FLRT2: variants seen among roughly 807,000 people sequenced by gnomAD.
FLRT2 encodes the protein fibronectin leucine rich transmembrane protein 2.
FLRT2 carries 15 observed loss-of-function variants against 40.0 expected under a neutral mutation model. The ratio of observed to expected loss-of-function variants is 0.38; its 90% CI spans 0.25 to 0.58. FLRT2 has a LOEUF of 0.58. Ranked by LOEUF, FLRT2 falls within the 20% of genes least tolerant of loss-of-function variation. The probability of loss-of-function intolerance (pLI) is 0.71; values close to 1 mark genes in which losing one functional copy is unlikely to be tolerated. For synonymous variants in FLRT2, 380 were observed against 336.8 expected, an observed-to-expected ratio of 1.13 and a Z score of -1.41; for missense variants, 726 against 840.0, an observed-to-expected ratio of 0.86 and a Z score of 1.68.
intron 1 of FLRT2, among the ~76,000 whole-genome samples, chr14:85,607,537 A>G (rs1293372797): frequency 6.6e-6 from 1 of 152,190 alleles, no homozygotes; most frequent in Non-Finnish European, 1.5e-5. Context: ...ACCAGGGAAA[A>G]GAAAGTTTTC....
At chr14:85,565,450 A>C (rs1180349083) in intron 1 of FLRT2, among the ~76,000 whole-genome samples, 1 of 152,196 alleles carries the variant, frequency 6.6e-6, no homozygotes, top group African/African-American at 2.4e-5. Flanking sequence ...TGATGTTGCT[A>C]TTCAGAATAT....
At position 85,619,825 on chromosome 14, in the gene FLRT2, C is replaced by A. The variant is rs545742915; in HGVS notation, c.-376-1314C>A. Among the ~76,000 whole-genome samples the A allele has an allele frequency of 8.5e-5, 13 of 152,300 alleles. No individual in the cohort carries two copies. In the South Asian group the frequency reaches 2.7e-3, roughly 32 times the overall value. On this transcript the variant is annotated intron_variant, in intron 1 of 1. Coordinates refer to ENST00000330753, the MANE Select transcript of FLRT2 (RefSeq NM_013231.6). ...CTCTAATCTAAAAACAGATAGAATA[C>A]ATTCTGGAGCAAGAAGGCATGATTA...
intron 1 of FLRT2, among the ~76,000 whole-genome samples, chr14:85,533,205 G>A (rs962093650): frequency 5.9e-5 from 9 of 152,134 alleles, no homozygotes; most frequent in Non-Finnish European, 1.2e-4. Flanking sequence ...GCGCCAGAGC[G>A]CGAGGGACGG....
At chr14:85,558,666 AAG>A (rs1339686866) in intron 1 of FLRT2, among the ~76,000 whole-genome samples, 8 of 152,164 alleles carry the variant, frequency 5.3e-5, no homozygotes, top group Non-Finnish European at 1.2e-4. Context: ...GACATCACAA[AAG>A]AGAGGGGAAG....
Position 85,643,091 on chromosome 14 carries a change from C to G in FLRT2, c.*19594C>G, listed in dbSNP as rs1183962267. 2.6e-5 allele frequency: 4 copies of G among 152,076 alleles called. No homozygotes were observed. The highest frequency in any genetic ancestry group is 5.9e-5 in the Non-Finnish European group (4 of 68,052). 9.4% of individuals were successfully genotyped at this position (152,076 alleles called of 1,614,324 possible). A position where few individuals can be genotyped will look rare whatever the true frequency, so the allele number is the denominator to read the frequency against. On this transcript the variant is annotated 3_prime_UTR_variant, in exon 2 of 2. Transcript: ENST00000330753. ...CATTATTCTCAACATGAGGGCTCCA[C>G]CCTTATGGATTAATTGCCTCCCAAA...
rs1893634286 is a variant in FLRT2 at position 85,625,370 on chromosome 14, C to T, written c.*1873C>T. ...TTTGTAAAAGTTTAGGTATAAAATG[C>T]TATGCAACTTTTTCTTTATAGTAAG... On this transcript the variant is annotated 3_prime_UTR_variant, in exon 2 of 2. Transcript: ENST00000330753. 6.0e-6 allele frequency: 1 copy of T among 166,898 alleles called. No homozygotes were observed. Among genetic ancestry groups the T allele is most frequent in the Non-Finnish European group, 1.5e-5 (1 of 68,100 alleles). 10.3% of individuals were successfully genotyped at this position (166,898 alleles called of 1,614,324 possible).
At chr14:85,601,450 G>A (rs1276293726) in intron 1 of FLRT2, among the ~76,000 whole-genome samples, 1 of 152,218 alleles carries the variant, frequency 6.6e-6, no homozygotes, top group Non-Finnish European at 1.5e-5. Flanking sequence ...GAGGCCACAG[G>A]CCTCTGGATA....
intron 1 of FLRT2, among the ~76,000 whole-genome samples, chr14:85,569,969 C>A (rs1319316185): frequency 2.0e-5 from 3 of 152,164 alleles, no homozygotes; most frequent in African/African-American, 7.2e-5. Flanking sequence ...CCACAGTGTT[C>A]TTTAAACAGC....
Position 85,639,851 on chromosome 14 carries a change from C to CTTTTTTT in FLRT2, c.*16363_*16369dup, listed in dbSNP as rs869148428. The CTTTTTTT allele has an allele frequency of 3.4e-5, 4 of 119,250 alleles. 1 individual carries two copies. Among genetic ancestry groups the CTTTTTTT allele is most frequent in the Admixed American group, 9.8e-5 (1 of 10,216 alleles). The allele number at this position is 119,250 out of a possible 1,614,324, so 7.4% of individuals were successfully genotyped here. A position where few individuals can be genotyped will look rare whatever the true frequency, so the allele number is the denominator to read the frequency against. ...GAAATTCTTTATTTTTTTTTTTTTCCTTTTTTTTTTTTTTTGAGACAGTGT... is the reference window on the plus strand; with the variant it reads ...GAAATTCTTTATTTTTTTTTTTTTCCTTTTTTTTTTTTTTTTTTTTTTGAGACAGTGT... On this transcript the variant is annotated 3_prime_UTR_variant, in exon 2 of 2. Transcript: ENST00000330753.
intron 1 of FLRT2, among the ~76,000 whole-genome samples, chr14:85,543,807 G>A (rs115125496): frequency 4.2e-4 from 64 of 152,288 alleles, no homozygotes; most frequent in African/African-American, 1.4e-3. Flanking sequence ...TAAGAGGCAC[G>A]TGGATGACAC....
At chr14:85,584,189 C>T (rs1226331950) in intron 1 of FLRT2, among the ~76,000 whole-genome samples, 3 of 152,102 alleles carry the variant, frequency 2.0e-5, no homozygotes, top group Non-Finnish European at 1.5e-5. Context: ...AACTAGGGCT[C>T]CTTAGCTACT....
intron 1 of FLRT2, among the ~76,000 whole-genome samples, chr14:85,618,932 C>G (rs1164937826): frequency 6.6e-6 from 1 of 152,078 alleles, no homozygotes; most frequent in African/African-American, 2.4e-5. Context: ...AGGATGCCAT[C>G]AGGCTGATAG....
chr14:85,643,341 TTC>T lies in FLRT2; in HGVS notation c.*19846_*19847del, dbSNP rs1491109961. 5 of 110,216 alleles carry T rather than the reference TTC, an allele frequency of 4.5e-5. No individual in the cohort carries two copies. The highest frequency in any genetic ancestry group is 3.8e-5 in the Non-Finnish European group (2 of 52,402). The allele number at this position is 110,216 out of a possible 1,614,324, so 6.8% of individuals were successfully genotyped here. On this transcript the variant is annotated 3_prime_UTR_variant, in exon 2 of 2. Coordinates refer to ENST00000330753, the MANE Select transcript of FLRT2 (RefSeq NM_013231.6). ...TTTCTTTCTTTCTTTCTTTCTTTCT[TTC>T]TTTCTTTCTTTCTTCCTTCCTTCCT...
rs1478346471 is a variant in FLRT2 at position 85,643,406 on chromosome 14, G to A, written c.*19909G>A. Reference sequence around the variant, plus strand: ...TTCCTTTCTCCTTTTTCTTTTTTTTGTTTTGAGACAGGTTCTCTCTCTGTC... The same window carrying A: ...TTCCTTTCTCCTTTTTCTTTTTTTTATTTTGAGACAGGTTCTCTCTCTGTC... On this transcript the variant is annotated 3_prime_UTR_variant, in exon 2 of 2. Transcript: ENST00000330753. 1 of 75,390 alleles carries A rather than the reference G, an allele frequency of 1.3e-5. No individual in the cohort carries two copies. Among genetic ancestry groups the A allele is most frequent in the Admixed American group, 1.4e-4 (1 of 7,024 alleles). The allele number at this position is 75,390 out of a possible 1,614,324, so 4.7% of individuals were successfully genotyped here.
At chr14:85,586,060 T>C (rs996282569) in intron 1 of FLRT2, among the ~76,000 whole-genome samples, 5 of 148,372 alleles carry the variant, frequency 3.4e-5, no homozygotes, top group African/African-American at 7.3e-5. Flanking sequence ...TTAAGTGATA[T>C]AAGCTATATA....
intron 1 of FLRT2, chr14:85,551,664 T>G (rs189345084): frequency 6.6e-6 from 1 of 152,168 alleles, no homozygotes; most frequent in Non-Finnish European, 1.5e-5. Flanking sequence ...GGTTTCGCCC[T>G]GAAATACCTT....
intron 1 of FLRT2, among the ~76,000 whole-genome samples, chr14:85,574,808 C>T (rs548507012): frequency 3.3e-5 from 5 of 152,186 alleles, no homozygotes; most frequent in Admixed American, 2.0e-4. Context: ...TCTAAGACCT[C>T]CTCACTGGCC....
rs1478988694 is a variant in FLRT2 at position 85,648,544 on chromosome 14, C to T, written c.*25047C>T. 6.6e-6 allele frequency: 1 copy of T among 152,106 alleles called. No homozygotes were observed. Among genetic ancestry groups the T allele is most frequent in the Non-Finnish European group, 1.5e-5 (1 of 68,016 alleles). The allele number at this position is 152,106 out of a possible 1,614,324, so 9.4% of individuals were successfully genotyped here. A position where few individuals can be genotyped will look rare whatever the true frequency, so the allele number is the denominator to read the frequency against. On this transcript the variant is annotated 3_prime_UTR_variant, in exon 2 of 2. Coordinates refer to ENST00000330753, the MANE Select transcript of FLRT2 (RefSeq NM_013231.6). ...TATGGTGCAGCTGTTTTCCTGATTC[C>T]CAGAGAGCAATCACTCAGATGTGCT... is the stretch of plus-strand genomic sequence containing the variant.
rs1463732821 is a variant in FLRT2 at position 85,633,951 on chromosome 14, T to C, written c.*10454T>C. 6.6e-6 allele frequency: 1 copy of C among 152,202 alleles called. No individual in the cohort carries two copies. Among genetic ancestry groups the C allele is most frequent in the African/African-American group, 2.4e-5 (1 of 41,454 alleles). 9.4% of individuals were successfully genotyped at this position (152,202 alleles called of 1,614,324 possible). ...GATAGTGGGGATGGTAGCAGTCAAA[T>C]GGAAGAACATTTTAATGTCTCTACA... On this transcript the variant is annotated 3_prime_UTR_variant, in exon 2 of 2. Coordinates refer to ENST00000330753, the MANE Select transcript of FLRT2 (RefSeq NM_013231.6).
Sources: gnomAD v4.1 joint callset for allele counts (sites outside exome capture counted in the v4.1 genomes callset) on GRCh38, gnomAD v4.1.1 for gene constraint, MANE v1.5 for transcripts, NCBI Gene and HGNC (gene_info 2026-07-23, HGNC 2026-07-21) for gene names.